The following CCSER1 variants were observed in gnomAD, a reference collection of about 807,000 sequenced individuals.
CCSER1 encodes the protein serine-rich coiled-coil domain-containing protein 1.
CCSER1 carries 41 observed loss-of-function variants against 82.0 expected under a neutral mutation model. The ratio of observed to expected loss-of-function variants is 0.50; its 90% CI spans 0.39 to 0.65. The LOEUF is 0.65. Among genes scored for constraint, CCSER1 ranks in the 30% least tolerant of loss-of-function variants. The pLI is 0.00. For synonymous variants in CCSER1, 414 were observed against 383.9 expected (o/e 1.08, Z -0.92); for missense variants, 1,119 against 1,064.2 (o/e 1.05, Z -0.72).
intron 10 of CCSER1, among the ~76,000 whole-genome samples, chr4:91,394,557 T>A (rs1203005028): frequency 6.6e-6 from 1 of 152,010 alleles, no homozygotes; most frequent in Non-Finnish European, 1.5e-5. Flanking sequence ...GGCAATAGAG[T>A]AATATTTAAT....
At chr4:91,213,348 C>G (rs570778058) in intron 10 of CCSER1, among the ~76,000 whole-genome samples, 1 of 152,128 alleles carries the variant, frequency 6.6e-6, no homozygotes, top group South Asian at 2.1e-4. Flanking sequence ...TTTCACAGAA[C>G]CTAGAGTCTA....
intron 6 of CCSER1, among the ~76,000 whole-genome samples, chr4:90,642,907 T>A (rs78578176): frequency 2.1e-5 from 3 of 143,892 alleles, no homozygotes; most frequent in Non-Finnish European, 4.6e-5. Flanking sequence ...TTTTTTTTTT[T>A]AAAGTAAAAG....
chr4:91,227,847 G>A (rs1317956995), intron 10 of CCSER1, among the ~76,000 whole-genome samples: 1 of 151,936 alleles, frequency 6.6e-6, no homozygotes, highest in South Asian at 2.1e-4. Flanking sequence ...TTGAAATTTT[G>A]TCAGTTTTGA....
At chr4:91,128,262 C>T (rs1192219194) in intron 10 of CCSER1, among the ~76,000 whole-genome samples, 3 of 152,010 alleles carry the variant, frequency 2.0e-5, no homozygotes, top group African/African-American at 4.8e-5. Flanking sequence ...ACAAACTAAA[C>T]CCATTACACC....
At chr4:90,918,348 G>T in intron 8 of CCSER1, 2 of 427,982 alleles carry the variant, frequency 4.7e-6, no homozygotes, top group Non-Finnish European at 9.3e-6. Context: ...TAGAAATTTG[G>T]GATAAATTGG....
intron 1 of CCSER1, among the ~76,000 whole-genome samples, chr4:90,272,094 C>CA (rs1242032885): frequency 6.6e-6 from 1 of 151,550 alleles, no homozygotes; most frequent in Non-Finnish European, 1.5e-5. Flanking sequence ...GAAACCACCC[C>CA]TGTGATTCAA....
At chr4:90,927,122 A>G (rs1729166680) in intron 9 of CCSER1, among the ~76,000 whole-genome samples, 2 of 152,058 alleles carry the variant, frequency 1.3e-5, no homozygotes, top group Admixed American at 1.3e-4. Flanking sequence ...CATTAATTTG[A>G]CATCTTTATG....
chr4:91,537,317 A>G (rs1448685778), intron 10 of CCSER1, among the ~76,000 whole-genome samples: 1 of 152,130 alleles, frequency 6.6e-6, no homozygotes, highest in African/African-American at 2.4e-5. Context: ...ACGGTGTTGT[A>G]TAGTACTTCA....
At chr4:90,608,284 A>C (rs1054162757) in intron 5 of CCSER1, among the ~76,000 whole-genome samples, 1 of 152,054 alleles carries the variant, frequency 6.6e-6, no homozygotes, top group Non-Finnish European at 1.5e-5. Flanking sequence ...ACCCAAACTC[A>C]TGTGATCATT....
intron 10 of CCSER1, among the ~76,000 whole-genome samples, chr4:91,464,784 C>G (rs1269952565): frequency 6.6e-6 from 1 of 152,118 alleles, no homozygotes; most frequent in Non-Finnish European, 1.5e-5. Context: ...GTAAAGGGAT[C>G]AATTCAACAA....
At chr4:91,249,040 A>C (rs1302250316) in intron 10 of CCSER1, among the ~76,000 whole-genome samples, 1 of 152,178 alleles carries the variant, frequency 6.6e-6, no homozygotes, top group African/African-American at 2.4e-5. Flanking sequence ...TGTCTACTCT[A>C]TAGAATTTTA....
intron 10 of CCSER1, among the ~76,000 whole-genome samples, chr4:91,539,219 T>C (rs1321944876): frequency 1.3e-5 from 2 of 152,048 alleles, no homozygotes; most frequent in African/African-American, 4.8e-5. Context: ...TTTCCTTATA[T>C]ATTGTGTGTT....
intron 10 of CCSER1, among the ~76,000 whole-genome samples, chr4:91,184,724 TC>T (rs1205071849): frequency 1.3e-5 from 2 of 152,232 alleles, no homozygotes; most frequent in Non-Finnish European, 2.9e-5. Context: ...TATTTCCTAA[TC>T]TTTGGCAGGA....
intron 5 of CCSER1, among the ~76,000 whole-genome samples, chr4:90,613,423 G>T (rs956000): frequency 0.028 from 4,328 of 151,984 alleles, 121 homozygotes; most frequent in African/African-American, 0.068. Flanking sequence ...CTTTCAAGAG[G>T]TGGGCATCTC....
intron 3 of CCSER1, among the ~76,000 whole-genome samples, chr4:90,374,712 C>T (rs2153527683): frequency 6.6e-6 from 1 of 152,224 alleles, no homozygotes; most frequent in East Asian, 1.9e-4. Context: ...TTAGTAGTAC[C>T]TCACTGCTGA....
chr4:90,308,866 A>T lies in CCSER1; in HGVS notation c.582A>T (p.Pro194=). The part of the protein sequence containing the change: ...SFSSHYKFSK[P]VLQSQSISLV... ...CATCTCACTATAAATTTTCTAAGCC[A>T]GTTCTACAGAGCCAATCCATTTCAT... is the stretch of plus-strand genomic sequence containing the variant. Residue 194 remains proline, a synonymous_variant, in exon 2 of 11, where the codon CCA becomes CCT. Transcript: ENST00000509176. 6.2e-7 allele frequency: 1 copy of T among 1,613,932 alleles called. No individual in the cohort carries two copies. Among genetic ancestry groups the T allele is most frequent in the Non-Finnish European group, 8.5e-7 (1 of 1,179,848 alleles).
chr4:90,520,241 T>C (rs1333927553), intron 5 of CCSER1, among the ~76,000 whole-genome samples: 2 of 151,584 alleles, frequency 1.3e-5, no homozygotes, highest in Non-Finnish European at 1.5e-5. Context: ...ATATGAAATT[T>C]ATAATTGTAT....
At chr4:90,782,057 A>G in intron 7 of CCSER1, 1 of 667,612 alleles carries the variant, frequency 1.5e-6, no homozygotes, top group Non-Finnish European at 1.9e-6. Flanking sequence ...TTATTTCCTG[A>G]TAAACACTTT....
chr4:90,368,765 TACGC>T (rs1396124950), intron 3 of CCSER1, among the ~76,000 whole-genome samples: 2 of 151,436 alleles, frequency 1.3e-5, no homozygotes, highest in Non-Finnish European at 3.0e-5. Flanking sequence ...ATCATATAAA[TACGC>T]ACACACACAC....
Sources: gnomAD v4.1 joint callset for allele counts (sites outside exome capture counted in the v4.1 genomes callset) on GRCh38, gnomAD v4.1.1 for gene constraint, MANE v1.5 for transcripts, NCBI Gene and HGNC (gene_info 2026-07-23, HGNC 2026-07-21) for gene names.